TRPM3: variants seen among roughly 807,000 people sequenced by gnomAD.
The protein encoded by TRPM3 is long transient receptor potential channel 3.
Under a neutral mutation model 181.2 loss-of-function variants are expected in TRPM3, and 77 were observed. The observed-to-expected ratio is 0.42, with a 90% CI of 0.35 to 0.51. The LOEUF is 0.51. Among genes scored for constraint, TRPM3 ranks in the 20% least tolerant of loss-of-function variants. The pLI is 0.01. For synonymous variants in TRPM3, 745 were observed against 796.4 expected, an observed-to-expected ratio of 0.94 and a Z score of 1.09; for missense variants, 1,759 against 2,196.7, an observed-to-expected ratio of 0.80 and a Z score of 3.98.
intron 1 of TRPM3, among the ~76,000 whole-genome samples, chr9:71,077,222 G>C (rs1172048629): frequency 6.6e-6 from 1 of 152,086 alleles, no homozygotes; most frequent in Non-Finnish European, 1.5e-5. Context: ...CAGGAATCCA[G>C]GAATCTACGT....
At chr9:71,102,920 C>G (rs1262993776) in intron 1 of TRPM3, among the ~76,000 whole-genome samples, 1 of 152,134 alleles carries the variant, frequency 6.6e-6, no homozygotes, top group Non-Finnish European at 1.5e-5. Flanking sequence ...GAATTGATTT[C>G]TAGTTCTGAG....
At chr9:70,788,169 C>A (rs566328822) in intron 6 of TRPM3, among the ~76,000 whole-genome samples, 149 of 115,634 alleles carry the variant, frequency 1.3e-3, no homozygotes, top group Admixed American at 2.1e-3. Context: ...CCCCTCCCCC[C>A]ACCCCACCAC....
chr9:71,328,071 A>G (rs2089827531), intron 1 of TRPM3, among the ~76,000 whole-genome samples: 1 of 151,786 alleles, frequency 6.6e-6, no homozygotes, highest in Non-Finnish European at 1.5e-5. Context: ...TCTGAATTAA[A>G]AAAAAAAAAC....
intron 1 of TRPM3, among the ~76,000 whole-genome samples, chr9:71,351,663 G>T (rs1000793979): frequency 7.9e-5 from 12 of 152,072 alleles, no homozygotes; most frequent in African/African-American, 2.9e-4. Context: ...TGTTGTGGAA[G>T]GATATCTGCA....
intron 1 of TRPM3, among the ~76,000 whole-genome samples, chr9:71,242,534 TCA>T (rs999797353): frequency 6.6e-6 from 1 of 152,220 alleles, no homozygotes; most frequent in Non-Finnish European, 1.5e-5. Flanking sequence ...TCTATAGTAT[TCA>T]ATTAGAACTT....
chr9:71,179,288 G>T (rs1334718294), intron 1 of TRPM3, among the ~76,000 whole-genome samples: 1 of 152,042 alleles, frequency 6.6e-6, no homozygotes. Context: ...GGCACCAGTC[G>T]ATTATTAAAA....
chr9:71,041,354 A>C (rs1468743768), intron 1 of TRPM3, among the ~76,000 whole-genome samples: 1 of 152,202 alleles, frequency 6.6e-6, no homozygotes, highest in Non-Finnish European at 1.5e-5. Flanking sequence ...ATGATGTCAA[A>C]ACGTAAAAAC....
chr9:70,973,838 A>G (rs1253167641), intron 1 of TRPM3, among the ~76,000 whole-genome samples: 1 of 152,240 alleles, frequency 6.6e-6, no homozygotes, highest in East Asian at 1.9e-4. Context: ...AGTTCTGCAA[A>G]TCACACAGCA....
At chr9:71,362,363 C>T (rs1214319360) in intron 1 of TRPM3, among the ~76,000 whole-genome samples, 3 of 152,176 alleles carry the variant, frequency 2.0e-5, no homozygotes, top group Non-Finnish European at 2.9e-5. Context: ...GAAAAATAGT[C>T]AAAGATGCTC....
chr9:70,868,814 T>A (rs1292766507), intron 1 of TRPM3, among the ~76,000 whole-genome samples: 1 of 152,062 alleles, frequency 6.6e-6, no homozygotes, highest in Non-Finnish European at 1.5e-5. Flanking sequence ...TTCAAATGTA[T>A]ACCCTGTCTT....
intron 4 of TRPM3, among the ~76,000 whole-genome samples, chr9:70,846,091 G>A (rs1259423760): frequency 1.3e-5 from 2 of 152,158 alleles, no homozygotes; most frequent in Non-Finnish European, 2.9e-5. Flanking sequence ...GGCAACTTGA[G>A]CTATTTAAAA....
intron 18 of TRPM3, among the ~76,000 whole-genome samples, chr9:70,612,996 A>T (rs1237137602): frequency 1.3e-5 from 2 of 152,112 alleles, no homozygotes; most frequent in Non-Finnish European, 2.9e-5. Context: ...GGGTCTGTGG[A>T]CTTGTGGGGA....
At chr9:70,651,678 C>T (rs2059611689) in intron 9 of TRPM3, among the ~76,000 whole-genome samples, 1 of 152,172 alleles carries the variant, frequency 6.6e-6, no homozygotes, top group Non-Finnish European at 1.5e-5. Context: ...CCCCTTCCTC[C>T]TTCCTCCTGC....
At chr9:70,894,625 T>A (rs777740051) in intron 1 of TRPM3, among the ~76,000 whole-genome samples, 1 of 152,134 alleles carries the variant, frequency 6.6e-6, no homozygotes, top group Non-Finnish European at 1.5e-5. Flanking sequence ...ACAAGATTAG[T>A]TGCAGTTGAG....
At chr9:71,196,508 T>C (rs989030190) in intron 1 of TRPM3, among the ~76,000 whole-genome samples, 1 of 151,882 alleles carries the variant, frequency 6.6e-6, no homozygotes, top group African/African-American at 2.4e-5. Context: ...AATACCTGCA[T>C]TTTCCATTAT....
intron 1 of TRPM3, among the ~76,000 whole-genome samples, chr9:71,131,071 C>T (rs1382794940): frequency 2.0e-5 from 3 of 152,136 alleles, no homozygotes; most frequent in Non-Finnish European, 2.9e-5. Context: ...AGAAAAACTC[C>T]GAACTCCTCG....
At chr9:71,214,666 A>G (rs932615847) in intron 1 of TRPM3, among the ~76,000 whole-genome samples, 19 of 152,192 alleles carry the variant, frequency 1.2e-4, no homozygotes, top group African/African-American at 4.6e-4. Flanking sequence ...ACTGTTGGAC[A>G]TGATACACTA....
chr9:71,155,179 T>C (rs2075924585), intron 1 of TRPM3, among the ~76,000 whole-genome samples: 2 of 152,146 alleles, frequency 1.3e-5, no homozygotes, highest in South Asian at 4.2e-4. Context: ...CATGTAGACT[T>C]TGTGTCTACC....
chr9:70,804,671 C>T (rs2090199156), intron 6 of TRPM3, among the ~76,000 whole-genome samples: 1 of 150,868 alleles, frequency 6.6e-6, no homozygotes, highest in Admixed American at 6.6e-5. Context: ...TCCCAAAACT[C>T]AGTTCTTGGT....
Sources: gnomAD v4.1 joint callset for allele counts (sites outside exome capture counted in the v4.1 genomes callset) on GRCh38, gnomAD v4.1.1 for gene constraint, MANE v1.5 for transcripts, NCBI Gene and HGNC (gene_info 2026-07-23, HGNC 2026-07-21) for gene names.